GRM1: variants seen among roughly 807,000 people sequenced by gnomAD.
GRM1 encodes glutamate metabotropic receptor 1.
GRM1 carries 33 observed loss-of-function variants against 90.9 expected under a neutral mutation model. The observed-to-expected ratio is 0.36, with a 90% CI of 0.28 to 0.49. The LOEUF is 0.49. GRM1 is among the 20% of genes least tolerant of loss of function. GRM1 has a pLI of 0.99. For missense variants in GRM1, 1,190 were observed against 1,534.3 expected, an observed-to-expected ratio of 0.78 and a Z score of 3.75; for synonymous variants, 700 against 613.2, an observed-to-expected ratio of 1.14 and a Z score of -2.09.
At chr6:146,381,640 G>A (rs1464023360) in intron 5 of GRM1, among the ~76,000 whole-genome samples, 1 of 152,092 alleles carries the variant, frequency 6.6e-6, no homozygotes, top group African/African-American at 2.4e-5. Context: ...GTCCTTGGTG[G>A]GGGAGGCAGA....
intron 3 of GRM1, among the ~76,000 whole-genome samples, chr6:146,342,163 G>A (rs879431546): frequency 9.2e-5 from 14 of 152,254 alleles, no homozygotes; most frequent in Admixed American, 9.2e-4. Context: ...GACTTTTAGT[G>A]GTGAGCTTCT....
intron 2 of GRM1, among the ~76,000 whole-genome samples, chr6:146,190,006 T>G (rs1778882946): frequency 2.6e-5 from 4 of 152,178 alleles, no homozygotes; most frequent in Admixed American, 2.6e-4. Flanking sequence ...GAATGTTAGA[T>G]TAAGTTCGGG....
At chr6:146,185,630 T>C (rs143871737) in intron 2 of GRM1, among the ~76,000 whole-genome samples, 121 of 152,316 alleles carry the variant, frequency 7.9e-4, no homozygotes, top group Middle Eastern at 6.8e-3. Context: ...TGACATTCTC[T>C]TTCAGTCCAG....
chr6:146,167,853 T>C (rs1416638304), intron 2 of GRM1, among the ~76,000 whole-genome samples: 3 of 152,144 alleles, frequency 2.0e-5, no homozygotes, highest in Non-Finnish European at 4.4e-5. Context: ...TGTATTCTGC[T>C]GAGTGTCTTT....
chr6:146,358,391 C>A (rs977944670), intron 5 of GRM1, among the ~76,000 whole-genome samples: 1 of 152,150 alleles, frequency 6.6e-6, no homozygotes, highest in Non-Finnish European at 1.5e-5. Context: ...TAAAACCAAA[C>A]TGGGGGATGC....
At chr6:146,088,109 A>G (rs1776605015) in intron 1 of GRM1, among the ~76,000 whole-genome samples, 1 of 152,104 alleles carries the variant, frequency 6.6e-6, no homozygotes, top group Admixed American at 6.6e-5. Flanking sequence ...TGGTTCTGTC[A>G]CTATTTTTTA....
chr6:146,307,324 C>T (rs1783612732), intron 3 of GRM1, among the ~76,000 whole-genome samples: 1 of 152,074 alleles, frequency 6.6e-6, no homozygotes, highest in Non-Finnish European at 1.5e-5. Context: ...AAATATTTCT[C>T]TTTTTTAGGT....
At chr6:146,293,481 T>G (rs531249160) in intron 2 of GRM1, among the ~76,000 whole-genome samples, 19 of 152,138 alleles carry the variant, frequency 1.2e-4, no homozygotes, top group African/African-American at 4.6e-4. Flanking sequence ...GATTGTAATA[T>G]AGTCTCTTTT....
At chr6:146,409,267 T>G (rs1326368089) in intron 7 of GRM1, among the ~76,000 whole-genome samples, 1 of 152,136 alleles carries the variant, frequency 6.6e-6, no homozygotes, top group Non-Finnish European at 1.5e-5. Context: ...ATGCCAATGC[T>G]CATGAGTTCA....
intron 1 of GRM1, among the ~76,000 whole-genome samples, chr6:146,123,680 G>T (rs527698683): frequency 4.6e-5 from 7 of 152,222 alleles, no homozygotes; most frequent in African/African-American, 1.7e-4. Context: ...ATTCTGAGAG[G>T]AACACTCACT....
intron 2 of GRM1, among the ~76,000 whole-genome samples, chr6:146,225,611 A>G (rs1303378453): frequency 6.6e-6 from 1 of 152,172 alleles, no homozygotes; most frequent in Non-Finnish European, 1.5e-5. Context: ...ACTCAGGTAT[A>G]GTAGCCATTA....
At chr6:146,422,963 G>A (rs1018317831) in intron 7 of GRM1, among the ~76,000 whole-genome samples, 1 of 151,354 alleles carries the variant, frequency 6.6e-6, no homozygotes, top group East Asian at 1.9e-4. Context: ...AGAGGGAAAG[G>A]GAGAGGAGGG....
intron 1 of GRM1, among the ~76,000 whole-genome samples, chr6:146,090,875 G>A (rs2128867330): frequency 6.6e-6 from 1 of 152,098 alleles, no homozygotes; most frequent in East Asian, 1.9e-4. Flanking sequence ...GAACCTTTAA[G>A]TTAGGGCTGA....
At chr6:146,221,427 T>G (rs1648598465) in intron 2 of GRM1, among the ~76,000 whole-genome samples, 1 of 152,140 alleles carries the variant, frequency 6.6e-6, no homozygotes, top group Non-Finnish European at 1.5e-5. Flanking sequence ...ATCCCACTTA[T>G]GAGTGAGAAC....
intron 2 of GRM1, among the ~76,000 whole-genome samples, chr6:146,211,576 G>A (rs1779688708): frequency 6.6e-6 from 1 of 152,132 alleles, no homozygotes; most frequent in African/African-American, 2.4e-5. Flanking sequence ...GCTAAGTAAT[G>A]TGTTGGTGGC....
intron 1 of GRM1, among the ~76,000 whole-genome samples, chr6:146,096,853 T>C (rs1776890590): frequency 6.6e-6 from 1 of 152,192 alleles, no homozygotes; most frequent in Non-Finnish European, 1.5e-5. Flanking sequence ...TTTAATGTTA[T>C]CTACTGAAAT....
chr6:146,402,290 A>G (rs938561764), intron 7 of GRM1, among the ~76,000 whole-genome samples: 8 of 152,168 alleles, frequency 5.3e-5, no homozygotes, highest in African/African-American at 1.9e-4. Flanking sequence ...ATTTGAGGCT[A>G]ACCTTCTACG....
chr6:146,146,298 A>C (rs771131073), intron 1 of GRM1, among the ~76,000 whole-genome samples: 9 of 151,410 alleles, frequency 5.9e-5, no homozygotes, highest in Non-Finnish European at 1.2e-4. Flanking sequence ...CGTGTTAGCC[A>C]AGATGGTGTC....
Position 146,307,481 on chromosome 6 carries a change from C to T in GRM1, c.1186+2635C>T, listed in dbSNP as rs1400883683. On this transcript the variant is annotated intron_variant, in intron 3 of 7. Coordinates refer to ENST00000282753, the MANE Select transcript of GRM1 (RefSeq NM_001278064.2). The stretch of plus-strand genomic sequence containing the variant: ...TGATGTATACATTCATGTATACCTA[C>T]CTTGGTCTTCGGTTTTAATCTCTAT... Among the ~76,000 whole-genome samples, 7 of 152,034 alleles carry T rather than the reference C, an allele frequency of 4.6e-5. No individual in the cohort carries two copies. In the East Asian group the frequency reaches 1.4e-3, roughly 29 times the overall value.
Sources: allele counts gnomAD v4.1 joint callset (sites outside exome capture counted in the v4.1 genomes callset), GRCh38; gene constraint gnomAD v4.1.1; transcripts MANE v1.5; gene names NCBI Gene and HGNC (gene_info 2026-07-23, HGNC 2026-07-21).